DYNC1I1: variants seen among roughly 807,000 people sequenced by gnomAD.
DYNC1I1 encodes cytoplasmic dynein 1 intermediate chain 1.
A neutral mutation model predicts 86.6 loss-of-function variants in DYNC1I1; 43 were observed. That is an observed-to-expected ratio of 0.50 (90% CI 0.39 to 0.64). The LOEUF (loss-of-function observed/expected upper bound fraction) is 0.64. DYNC1I1 is among the 30% of genes least tolerant of loss of function. The probability of loss-of-function intolerance (pLI) is 0.00; values close to 1 mark genes in which losing one functional copy is unlikely to be tolerated. For synonymous variants in DYNC1I1, 262 were observed against 283.7 expected, an observed-to-expected ratio of 0.92 and a Z score of 0.77; for missense variants, 604 against 788.8, an observed-to-expected ratio of 0.77 and a Z score of 2.81.
At chr7:95,839,266 G>C (rs1250930514) in intron 5 of DYNC1I1, among the ~76,000 whole-genome samples, 1 of 151,992 alleles carries the variant, frequency 6.6e-6, no homozygotes, top group Admixed American at 6.6e-5. Flanking sequence ...CCTGACCTCG[G>C]GTGATCCACC....
At chr7:95,788,642 C>A (rs1034619928) in intron 1 of DYNC1I1, among the ~76,000 whole-genome samples, 2 of 152,170 alleles carry the variant, frequency 1.3e-5, no homozygotes, top group Non-Finnish European at 2.9e-5. Flanking sequence ...CTGAAAACTT[C>A]ATCCCCGTTT....
intron 12 of DYNC1I1, among the ~76,000 whole-genome samples, chr7:96,034,883 T>C (rs1301052319): frequency 6.6e-6 from 1 of 152,192 alleles, no homozygotes; most frequent in Non-Finnish European, 1.5e-5. Context: ...ATGCACAAAA[T>C]AGGCTATTTG....
chr7:95,824,542 T>A (rs1186550003), intron 4 of DYNC1I1, among the ~76,000 whole-genome samples: 1 of 152,184 alleles, frequency 6.6e-6, no homozygotes, highest in Non-Finnish European at 1.5e-5. Context: ...TTTTCAGAGA[T>A]ACAATTACTT....
At chr7:96,083,110 C>G (rs965362787) in intron 16 of DYNC1I1, among the ~76,000 whole-genome samples, 1 of 152,086 alleles carries the variant, frequency 6.6e-6, no homozygotes, top group Admixed American at 6.5e-5. Context: ...AAAGGATATA[C>G]TATTTTATTG....
chr7:96,029,530 A>G (rs920363898), intron 11 of DYNC1I1, among the ~76,000 whole-genome samples: 3 of 152,222 alleles, frequency 2.0e-5, no homozygotes, highest in African/African-American at 7.2e-5. Context: ...AGCTCTTCCA[A>G]AAAATTAACA....
intron 6 of DYNC1I1, among the ~76,000 whole-genome samples, chr7:95,890,764 A>G (rs952313992): frequency 6.6e-6 from 1 of 152,222 alleles, no homozygotes. Context: ...CTGATTCAGA[A>G]GGTTTGGGAT....
chr7:96,003,811 C>G (rs1370757673), intron 10 of DYNC1I1, among the ~76,000 whole-genome samples: 1 of 151,964 alleles, frequency 6.6e-6, no homozygotes, highest in African/African-American at 2.4e-5. Flanking sequence ...TGTTTATATT[C>G]TAGGGATGGA....
At position 95,869,919 on chromosome 7, in the gene DYNC1I1, C is replaced by G; in HGVS notation, c.411C>G (p.Thr137=). ...RLHKLGVSKV[T]QVDFLPREVV... is the part of the protein sequence containing the mutation. ...ATAAACTGGGCGTGTCAAAGGTCAC[C>G]CAAGTGGATTTCCTGCCAAGGGAAG... is the stretch of plus-strand genomic sequence containing the variant. The change falls in exon 6 of 17, where the codon ACC becomes ACG. Residue 137 remains threonine (T), a synonymous_variant. Coordinates refer to ENST00000447467, the MANE Select transcript of DYNC1I1 (RefSeq NM_001135556.2). 1 of 1,614,022 alleles carries G rather than the reference C, an allele frequency of 6.2e-7. No individual in the cohort carries two copies.
chr7:95,973,703 C>T (rs1335301436), intron 6 of DYNC1I1, among the ~76,000 whole-genome samples: 2 of 152,104 alleles, frequency 1.3e-5, no homozygotes, highest in African/African-American at 4.8e-5. Context: ...TTCCAATAAG[C>T]TCGTAGTGGC....
In DYNC1I1 at chr7:96,020,526, C is replaced by T. The variant is rs573783588; in HGVS notation, c.970-7649C>T. ...CTCCCACTGGGTCCCTCCCACAACA[C>T]GTGGAAACTCAAGATGAGATTTGAG... is the stretch of plus-strand genomic sequence containing the variant. On this transcript the variant is annotated intron_variant, in intron 10 of 16. Coordinates refer to ENST00000447467, the MANE Select transcript of DYNC1I1 (RefSeq NM_001135556.2). 3.9e-5 allele frequency among the ~76,000 whole-genome samples: 6 copies of T among 152,258 alleles called. No individual in the cohort carries two copies. The East Asian group carries it at 5.8e-4, about 15-fold the overall frequency.
chr7:95,815,912 T>C (rs1584248548), intron 4 of DYNC1I1, among the ~76,000 whole-genome samples: 2 of 152,330 alleles, frequency 1.3e-5, no homozygotes, highest in South Asian at 4.1e-4. Flanking sequence ...CAAACATTTC[T>C]TATAATCTTT....
At chr7:95,777,198 T>C (rs548205663) in intron 1 of DYNC1I1, among the ~76,000 whole-genome samples, 10 of 152,330 alleles carry the variant, frequency 6.6e-5, no homozygotes, top group African/African-American at 2.4e-4. Context: ...AAGTTGTATG[T>C]CTCCCAGAGT....
At chr7:96,080,592 T>G (rs921843960) in intron 16 of DYNC1I1, 104 bp downstream of exon 16, 1 of 1,587,760 alleles carries the variant, frequency 6.3e-7, no homozygotes, top group African/African-American at 1.3e-5. Context: ...GGACCCTCTC[T>G]AACGTGCTTG....
At chr7:95,949,912 T>C (rs1022781909) in intron 6 of DYNC1I1, among the ~76,000 whole-genome samples, 2 of 152,116 alleles carry the variant, frequency 1.3e-5, no homozygotes, top group African/African-American at 4.8e-5. Context: ...GTTTTTCTTT[T>C]GGCCTGAGCA....
At chr7:96,070,391 T>G (rs1271169639) in intron 14 of DYNC1I1, among the ~76,000 whole-genome samples, 2 of 152,194 alleles carry the variant, frequency 1.3e-5, no homozygotes, top group African/African-American at 4.8e-5. Context: ...GGTCTCACAT[T>G]TTAATGTTTC....
intron 6 of DYNC1I1, among the ~76,000 whole-genome samples, chr7:95,928,978 A>G (rs1019096296): frequency 6.6e-6 from 1 of 152,118 alleles, no homozygotes; most frequent in African/African-American, 2.4e-5. Flanking sequence ...CCGGTATTAC[A>G]CAGTTGATAC....
At chr7:96,018,570 G>A (rs1352115573) in intron 10 of DYNC1I1, among the ~76,000 whole-genome samples, 1 of 152,176 alleles carries the variant, frequency 6.6e-6, no homozygotes, top group Non-Finnish European at 1.5e-5. Flanking sequence ...ATGTTCATTA[G>A]CATTCCTGAC....
intron 2 of DYNC1I1, among the ~76,000 whole-genome samples, chr7:95,806,915 G>A (rs2115808762): frequency 1.3e-5 from 2 of 152,274 alleles, no homozygotes; most frequent in Middle Eastern, 6.8e-3. Flanking sequence ...AGGGGCTTTT[G>A]AGTTGAACAT....
At chr7:95,798,130 T>C (rs1045624519) in intron 1 of DYNC1I1, among the ~76,000 whole-genome samples, 1 of 152,228 alleles carries the variant, frequency 6.6e-6, no homozygotes, top group African/African-American at 2.4e-5. Context: ...TTGATAATTT[T>C]TAAGGGTATA....
Sources: allele counts gnomAD v4.1 joint callset (sites outside exome capture counted in the v4.1 genomes callset), GRCh38; gene constraint gnomAD v4.1.1; transcripts MANE v1.5; gene names NCBI Gene and HGNC (gene_info 2026-07-23, HGNC 2026-07-21).